The following PPP1R14C variants were observed in gnomAD, a reference collection of about 807,000 sequenced individuals.
PPP1R14C encodes the protein protein phosphatase 1 regulatory subunit 14C.
A neutral mutation model predicts 20.4 loss-of-function variants in PPP1R14C; 16 were observed. The ratio of observed to expected loss-of-function variants is 0.78; its 90% CI spans 0.53 to 1.19. PPP1R14C has a LOEUF of 1.19. Among genes scored for constraint, PPP1R14C ranks in the 50% most tolerant of loss-of-function variants. The pLI, the probability that PPP1R14C is intolerant of heterozygous loss-of-function variation, is 0.00. For missense variants in PPP1R14C, 211 were observed against 220.1 expected (o/e 0.96, Z 0.26); for synonymous variants, 91 against 91.0 (o/e 1.00, Z 0.00).
intron 1 of PPP1R14C, among the ~76,000 whole-genome samples, chr6:150,159,551 G>A (rs1044616962): frequency 3.3e-5 from 5 of 150,148 alleles, no homozygotes; most frequent in South Asian, 4.2e-4. Flanking sequence ...CAGCCAGTGC[G>A]CTGTCCTTCT....
chr6:150,174,656 G>T (rs889321953), intron 1 of PPP1R14C, among the ~76,000 whole-genome samples: 3 of 151,420 alleles, frequency 2.0e-5, no homozygotes, highest in Non-Finnish European at 2.9e-5. Context: ...TAATTTCCTG[G>T]AATATCATTT....
chr6:150,233,074 C>T (rs1778312563), intron 3 of PPP1R14C, among the ~76,000 whole-genome samples: 1 of 152,118 alleles, frequency 6.6e-6, no homozygotes, highest in Non-Finnish European at 1.5e-5. Context: ...TCTTTGGTAG[C>T]CCCAGAAAAT....
intron 1 of PPP1R14C, among the ~76,000 whole-genome samples, chr6:150,214,500 T>A (rs1318836170): frequency 1.3e-5 from 2 of 151,780 alleles, no homozygotes; most frequent in South Asian, 4.2e-4. Flanking sequence ...CCCTTCTTCA[T>A]CTGTCCCCAT....
At chr6:150,170,987 T>A (rs1380698307) in intron 1 of PPP1R14C, among the ~76,000 whole-genome samples, 3 of 152,066 alleles carry the variant, frequency 2.0e-5, no homozygotes, top group Non-Finnish European at 4.4e-5. Flanking sequence ...GAAGGTACCT[T>A]TCCTATGTAC....
chr6:150,246,511 C>G (rs2114936062), intron 3 of PPP1R14C, among the ~76,000 whole-genome samples: 1 of 152,184 alleles, frequency 6.6e-6, no homozygotes, highest in African/African-American at 2.4e-5. Flanking sequence ...TGATTTTATC[C>G]TAGAAAATTA....
chr6:150,166,771 C>T (rs551496300), intron 1 of PPP1R14C, among the ~76,000 whole-genome samples: 12 of 152,292 alleles, frequency 7.9e-5, no homozygotes, highest in African/African-American at 1.2e-4. Flanking sequence ...ATGTTACTTC[C>T]GTGATGGGAC....
At chr6:150,238,711 T>C (rs966884484) in intron 3 of PPP1R14C, among the ~76,000 whole-genome samples, 2 of 152,238 alleles carry the variant, frequency 1.3e-5, no homozygotes, top group East Asian at 3.8e-4. Context: ...TCTCAGCACT[T>C]GAGTAGAGTC....
At chr6:150,149,443 ATTTTTTTTTTTCT>A (rs1289681372) in intron 1 of PPP1R14C, among the ~76,000 whole-genome samples, 6,131 of 119,582 alleles carry the variant, frequency 0.051, 199 homozygotes, top group East Asian at 0.19. Context: ...CTCCCACCTA[ATTTTTTTTTTTCT>A]TTTTTTTTTT....
At chr6:150,188,373 A>G (rs1401971496) in intron 1 of PPP1R14C, among the ~76,000 whole-genome samples, 1 of 152,172 alleles carries the variant, frequency 6.6e-6, no homozygotes, top group Non-Finnish European at 1.5e-5. Flanking sequence ...GAAGAGATTG[A>G]AGGTGAATTG....
intron 3 of PPP1R14C, among the ~76,000 whole-genome samples, chr6:150,228,565 G>T (rs913282342): frequency 6.6e-6 from 1 of 152,110 alleles, no homozygotes; most frequent in African/African-American, 2.4e-5. Flanking sequence ...TTTTTACTGG[G>T]GCTTAATCAC....
intron 1 of PPP1R14C, chr6:150,195,741 ATT>A: frequency 1.0e-5 from 6 of 581,404 alleles, no homozygotes; most frequent in Non-Finnish European, 1.3e-5. Context: ...TACATTTACT[ATT>A]TTTTTTTGCA....
chr6:150,160,256 CTTTTTTTTTTTTT>C (rs535189665), intron 1 of PPP1R14C, among the ~76,000 whole-genome samples: 35,349 of 101,718 alleles, frequency 0.35, 5,195 homozygotes, highest in Middle Eastern at 0.51. Flanking sequence ...GTAGCTCATT[CTTTTTTTTTTTTT>C]TTTTTTTTTT....
At position 150,201,780 on chromosome 6, in the gene PPP1R14C, G is replaced by C. The variant is rs1007451775; in HGVS notation, c.307-12964G>C. On this transcript the variant is annotated intron_variant, in intron 1 of 3. Coordinates refer to ENST00000361131, the MANE Select transcript of PPP1R14C (RefSeq NM_030949.3). The surrounding 1 kb of genome is among the most constrained non-coding windows in gnomAD (Gnocchi z 4.2). ...CAAAAGATGATTTAGCTTTCACTAGGGGGGCAGTGGAGGTGGTACAAAGTG... is the reference window on the plus strand; with the variant it reads ...CAAAAGATGATTTAGCTTTCACTAGCGGGGCAGTGGAGGTGGTACAAAGTG... 6.6e-6 allele frequency among the ~76,000 whole-genome samples: 1 copy of C among 152,122 alleles called. No individual in the cohort carries two copies. Among genetic ancestry groups the C allele is most frequent in the Non-Finnish European group, 1.5e-5 (1 of 68,030 alleles).
chr6:150,189,726 A>G (rs1399113206), intron 1 of PPP1R14C, among the ~76,000 whole-genome samples: 5 of 152,158 alleles, frequency 3.3e-5, no homozygotes, highest in African/African-American at 1.2e-4. Context: ...GATTGCTCCC[A>G]TTTGAAACCT....
At chr6:150,235,690 C>A (rs949812393) in intron 3 of PPP1R14C, among the ~76,000 whole-genome samples, 3 of 152,178 alleles carry the variant, frequency 2.0e-5, no homozygotes, top group African/African-American at 7.2e-5. Context: ...TTTCCTCCTT[C>A]CCCTCCTCTT....
At chr6:150,224,447 A>G (rs184907975) in intron 3 of PPP1R14C, among the ~76,000 whole-genome samples, 3 of 152,322 alleles carry the variant, frequency 2.0e-5, no homozygotes, top group East Asian at 1.9e-4. Context: ...AAGAACTGAC[A>G]TACTGGCCAT....
At chr6:150,149,150 T>A (rs1424193037) in intron 1 of PPP1R14C, among the ~76,000 whole-genome samples, 1 of 152,012 alleles carries the variant, frequency 6.6e-6, no homozygotes, top group Non-Finnish European at 1.5e-5. Context: ...TTTGGAACAG[T>A]GGTTAGGGAA....
intron 1 of PPP1R14C, among the ~76,000 whole-genome samples, chr6:150,190,875 C>G (rs1056000934): frequency 1.2e-4 from 18 of 152,178 alleles, no homozygotes; most frequent in Non-Finnish European, 1.5e-5. Context: ...TCCCTTCTTC[C>G]TCTCTTGCTC....
chr6:150,218,812 C>A (rs1778130700), intron 3 of PPP1R14C, among the ~76,000 whole-genome samples: 1 of 151,954 alleles, frequency 6.6e-6, no homozygotes, highest in Admixed American at 6.6e-5. Context: ...CCACACCCAG[C>A]TAAATTATTT....
Sources: allele counts gnomAD v4.1 joint callset (sites outside exome capture counted in the v4.1 genomes callset), GRCh38; gene constraint gnomAD v4.1.1; non-coding constraint Gnocchi (gnomAD v3.1); transcripts MANE v1.5; gene names NCBI Gene and HGNC (gene_info 2026-07-23, HGNC 2026-07-21).